ADAMTSL1: variants seen among roughly 807,000 people sequenced by gnomAD.
ADAMTSL1 encodes ADAMTS-like protein 1.
In ADAMTSL1, 126 loss-of-function variants were observed where a neutral mutation model predicts 201.8. The observed-to-expected ratio is 0.62, with a 90% CI of 0.54 to 0.72. The LOEUF (loss-of-function observed/expected upper bound fraction) is 0.72. Among genes scored for constraint, ADAMTSL1 ranks in the 30% least tolerant of loss-of-function variants. The pLI is 0.00. For synonymous variants in ADAMTSL1, 1,121 were observed against 903.4 expected (o/e 1.24, Z -4.32); for missense variants, 2,679 against 2,277.8 (o/e 1.18, Z -3.59).
intron 2 of ADAMTSL1, among the ~76,000 whole-genome samples, chr9:18,289,477 T>G (rs931397695): frequency 6.6e-6 from 1 of 152,344 alleles, no homozygotes; most frequent in East Asian, 1.9e-4. Flanking sequence ...AATGCAATGA[T>G]ACAGAGTTCA....
intron 1 of ADAMTSL1, among the ~76,000 whole-genome samples, chr9:17,992,010 GC>G (rs1282593173): frequency 1.3e-5 from 2 of 152,032 alleles, no homozygotes; most frequent in African/African-American, 4.8e-5. Context: ...ACCTAGAGAG[GC>G]CCAGACATTG....
chr9:18,142,352 G>A (rs1190041902), intron 1 of ADAMTSL1, among the ~76,000 whole-genome samples: 2 of 152,176 alleles, frequency 1.3e-5, no homozygotes, highest in Non-Finnish European at 2.9e-5. Context: ...GCTAACAAAG[G>A]ACAAAGAAAA....
At chr9:18,630,963 G>T (rs149766579) in intron 5 of ADAMTSL1, among the ~76,000 whole-genome samples, 8 of 152,050 alleles carry the variant, frequency 5.3e-5, no homozygotes, top group Non-Finnish European at 8.8e-5. Flanking sequence ...TCTCCCAAGC[G>T]GCTGACACTC....
chr9:18,639,436 T>A, intron 7 of ADAMTSL1, 25 bp downstream of exon 7: 3 of 1,601,426 alleles, frequency 1.9e-6, no homozygotes, highest in Non-Finnish European at 2.6e-6. Flanking sequence ...GATACCTCCT[T>A]TTCAAGCCAC....
At chr9:18,847,502 T>C (rs1328967491) in intron 23 of ADAMTSL1, among the ~76,000 whole-genome samples, 1 of 152,100 alleles carries the variant, frequency 6.6e-6, no homozygotes, top group Non-Finnish European at 1.5e-5. Flanking sequence ...ATAAGTGCTA[T>C]AAAGAAAAAT....
chr9:18,666,455 G>A (rs142974685), intron 9 of ADAMTSL1, among the ~76,000 whole-genome samples: 3 of 152,096 alleles, frequency 2.0e-5, no homozygotes, highest in African/African-American at 7.2e-5. Context: ...GTCCCAATGG[G>A]CATTCCCAGA....
At chr9:18,607,726 C>A (rs533542841) in intron 4 of ADAMTSL1, among the ~76,000 whole-genome samples, 1 of 151,956 alleles carries the variant, frequency 6.6e-6, no homozygotes, top group Non-Finnish European at 1.5e-5. Flanking sequence ...ATCCCTCCCC[C>A]CTACCCCCAC....
At chr9:18,448,028 T>C (rs778422287) in intron 2 of ADAMTSL1, among the ~76,000 whole-genome samples, 2 of 132,872 alleles carry the variant, frequency 1.5e-5, no homozygotes, top group Non-Finnish European at 3.3e-5. Context: ...TCTCGCTCTT[T>C]CTCTCTCTCT....
intron 1 of ADAMTSL1, among the ~76,000 whole-genome samples, chr9:18,128,388 G>T (rs935335582): frequency 2.0e-5 from 3 of 152,186 alleles, no homozygotes; most frequent in Admixed American, 6.5e-5. Context: ...TGGAGACAGG[G>T]TCTCACTCCT....
intron 1 of ADAMTSL1, among the ~76,000 whole-genome samples, chr9:18,084,239 AGGC>A (rs1340450938): frequency 1.3e-5 from 2 of 152,102 alleles, no homozygotes; most frequent in Admixed American, 1.3e-4. Context: ...GGTGGTGGTG[AGGC>A]TGGGCGCGGT....
chr9:18,293,633 T>C (rs1833360743), intron 2 of ADAMTSL1, among the ~76,000 whole-genome samples: 4 of 152,194 alleles, frequency 2.6e-5, no homozygotes, highest in Admixed American at 6.5e-5. Context: ...TGAAGAATCA[T>C]GGGGAAGATA....
intron 1 of ADAMTSL1, among the ~76,000 whole-genome samples, chr9:18,136,201 A>G (rs1270587721): frequency 6.6e-6 from 1 of 152,196 alleles, no homozygotes; most frequent in Non-Finnish European, 1.5e-5. Context: ...TGGGAAGCTT[A>G]TTAAAAAATA....
chr9:18,344,395 G>T (rs1486561460), intron 2 of ADAMTSL1, among the ~76,000 whole-genome samples: 1 of 151,944 alleles, frequency 6.6e-6, no homozygotes, highest in African/African-American at 2.4e-5. Flanking sequence ...GGCCTCAAGA[G>T]ATCCTTCTGC....
At chr9:18,551,223 C>A (rs137858597) in intron 3 of ADAMTSL1, among the ~76,000 whole-genome samples, 1,811 of 151,860 alleles carry the variant, frequency 0.012, 40 homozygotes, top group African/African-American at 0.041. Flanking sequence ...TATTGTAAGA[C>A]CTTTTAATTT....
intron 7 of ADAMTSL1, among the ~76,000 whole-genome samples, chr9:18,647,008 C>T (rs531406658): frequency 6.6e-6 from 1 of 152,172 alleles, no homozygotes; most frequent in South Asian, 2.1e-4. Context: ...GGCTGTGAAT[C>T]CATCTGGTCC....
At position 17,997,005 on chromosome 9, in the gene ADAMTSL1, C is replaced by T. The variant is rs575992729; in HGVS notation, c.87+90083C>T. Among the ~76,000 whole-genome samples, 19 of 152,246 alleles carry T rather than the reference C, an allele frequency of 1.2e-4. No individual in the cohort carries two copies. In the East Asian group the frequency reaches 2.1e-3, roughly 17 times the overall value. On this transcript the variant is annotated intron_variant, in intron 1 of 29. Transcript: ENST00000680146. ...CCTTGCTATTTCAGATAAGAACCTA[C>T]GTAAGCTTTCACTTGAGTGGGCATT...
At chr9:18,895,807 A>G (rs751321588) in intron 26 of ADAMTSL1, among the ~76,000 whole-genome samples, 2 of 152,222 alleles carry the variant, frequency 1.3e-5, no homozygotes, top group Non-Finnish European at 2.9e-5. Context: ...CAAATGCCCA[A>G]TTTTCAGCAA....
chr9:18,176,007 CAAAAAAAAAAAAA>C (rs57982328), intron 2 of ADAMTSL1, among the ~76,000 whole-genome samples: 843 of 62,586 alleles, frequency 0.013, 11 homozygotes, highest in Middle Eastern at 0.049. Context: ...AGAGGGAAAG[CAAAAAAAAAAAAA>C]AAAAAAAAAA....
chr9:18,314,782 C>CTTTTTTTTTTTTTTT lies in ADAMTSL1; in HGVS notation c.207+150819_207+150833dup, dbSNP rs776046209. ...TGCCACTGCTGCCTTCGGCAGCGTG[C>CTTTTTTTTTTTTTTT]TTTTTTTTTTTTTTTTTTTTTTTTT... On this transcript the variant is annotated intron_variant, in intron 2 of 29. Transcript: ENST00000680146. Among the ~76,000 whole-genome samples the CTTTTTTTTTTTTTTT allele has an allele frequency of 4.0e-5, 2 of 49,840 alleles. 1 individual carries two copies. The highest frequency in any genetic ancestry group is 7.1e-5 in the Non-Finnish European group (2 of 28,074). 32.7% of individuals were successfully genotyped at this position (49,840 alleles called of 152,430 possible).
Sources: allele counts gnomAD v4.1 joint callset (sites outside exome capture counted in the v4.1 genomes callset), GRCh38; gene constraint gnomAD v4.1.1; transcripts MANE v1.5; gene names NCBI Gene and HGNC (gene_info 2026-07-23, HGNC 2026-07-21).